Variants in BTBD9 observed in about 807,000 individuals in gnomAD.
BTBD9 encodes BTB domain containing 9, also known as BTB/POZ domain-containing protein 9.
Under a neutral mutation model 64.3 loss-of-function variants are expected in BTBD9, and 49 were observed. The observed-to-expected ratio is 0.76, with a 90% CI of 0.61 to 0.97. The LOEUF is 0.97. BTBD9 is among the 50% of genes least tolerant of loss of function. The pLI, the probability that BTBD9 is intolerant of heterozygous loss-of-function variation, is 0.00. For synonymous variants in BTBD9, 260 were observed against 274.7 expected (o/e 0.95, Z 0.53); for missense variants, 598 against 762.1 (o/e 0.78, Z 2.53).
chr6:38,313,681 T>C (rs1050347616), intron 7 of BTBD9, among the ~76,000 whole-genome samples: 2 of 152,178 alleles, frequency 1.3e-5, no homozygotes, highest in African/African-American at 4.8e-5. Context: ...TCATGTTGAT[T>C]GATTTGCATA....
At chr6:38,631,036 G>A (rs1373935171) in intron 1 of BTBD9, among the ~76,000 whole-genome samples, 1 of 152,168 alleles carries the variant, frequency 6.6e-6, no homozygotes, top group Non-Finnish European at 1.5e-5. Flanking sequence ...TTCTATTTTA[G>A]ATTAATTTAA....
intron 7 of BTBD9, among the ~76,000 whole-genome samples, chr6:38,326,569 G>A (rs918890024): frequency 6.6e-6 from 1 of 152,152 alleles, no homozygotes; most frequent in Non-Finnish European, 1.5e-5. Context: ...AGTAGCAGTA[G>A]TGACAAGAAG....
chr6:38,492,149 C>T (rs898211798), intron 6 of BTBD9, among the ~76,000 whole-genome samples: 3 of 152,152 alleles, frequency 2.0e-5, no homozygotes, highest in Admixed American at 2.0e-4. Flanking sequence ...CACAAAGAAA[C>T]AAAGGCCAGC....
At chr6:38,188,733 G>A (rs1034786129) in intron 10 of BTBD9, among the ~76,000 whole-genome samples, 4 of 152,180 alleles carry the variant, frequency 2.6e-5, no homozygotes, top group African/African-American at 9.7e-5. Context: ...TTAGAAGTGG[G>A]GTCTTTGGGA....
chr6:38,203,040 G>A (rs1459142077), intron 9 of BTBD9, among the ~76,000 whole-genome samples: 5 of 152,086 alleles, frequency 3.3e-5, no homozygotes, highest in African/African-American at 1.2e-4. Context: ...TTCAAAAGAA[G>A]ACATACAAAT....
intron 7 of BTBD9, among the ~76,000 whole-genome samples, chr6:38,339,103 C>T (rs899045414): frequency 6.6e-6 from 1 of 152,114 alleles, no homozygotes; most frequent in African/African-American, 2.4e-5. Flanking sequence ...TCATACAATC[C>T]CTTCTCTAGA....
intron 6 of BTBD9, among the ~76,000 whole-genome samples, chr6:38,445,642 T>G (rs1769243401): frequency 6.6e-6 from 1 of 152,234 alleles, no homozygotes; most frequent in African/African-American, 2.4e-5. Flanking sequence ...ATATTCTTTT[T>G]GGGTTATCTG....
At chr6:38,587,902 T>C in intron 4 of BTBD9, 1 of 722,800 alleles carries the variant, frequency 1.4e-6, no homozygotes, top group Non-Finnish European at 2.6e-6. Context: ...TAACAGATGA[T>C]CAGGTTTCAG....
intron 6 of BTBD9, chr6:38,402,861 A>G: frequency 1.4e-6 from 1 of 701,098 alleles, no homozygotes; most frequent in Non-Finnish European, 2.6e-6. Flanking sequence ...TGAGCTCAGG[A>G]GTTCGAGACC....
intron 1 of BTBD9, among the ~76,000 whole-genome samples, chr6:38,637,845 C>A (rs558345677): frequency 6.6e-6 from 1 of 152,294 alleles, no homozygotes; most frequent in East Asian, 1.9e-4. Context: ...AACACTTATT[C>A]TTGTCAAAGA....
intron 6 of BTBD9, among the ~76,000 whole-genome samples, chr6:38,575,454 T>A (rs1775981927): frequency 6.6e-6 from 1 of 152,310 alleles, no homozygotes; most frequent in East Asian, 1.9e-4. Flanking sequence ...TTAACTAACA[T>A]AATGCAAACT....
At chr6:38,465,706 ATTATATATATATATATATATAT>A (rs1770324733) in intron 6 of BTBD9, among the ~76,000 whole-genome samples, 1 of 60,402 alleles carries the variant, frequency 1.7e-5, no homozygotes, top group African/African-American at 6.8e-5. Context: ...AAATAAATAA[ATTATATATATATATATATATAT>A]ATATATATAT....
intron 6 of BTBD9, among the ~76,000 whole-genome samples, chr6:38,462,032 T>C (rs1453361286): frequency 2.0e-5 from 3 of 152,240 alleles, no homozygotes; most frequent in African/African-American, 7.2e-5. Flanking sequence ...TTTGTTGTTG[T>C]TGTTGAATTG....
At chr6:38,181,104 G>A (rs980211259) in intron 10 of BTBD9, among the ~76,000 whole-genome samples, 1 of 152,230 alleles carries the variant, frequency 6.6e-6, no homozygotes, top group Non-Finnish European at 1.5e-5. Context: ...GATTCCCTAA[G>A]CACTATTTGC....
At chr6:38,504,635 T>C (rs915149003) in intron 6 of BTBD9, 7 of 454,552 alleles carry the variant, frequency 1.5e-5, no homozygotes, top group Admixed American at 2.4e-5. Context: ...TTATATAAAA[T>C]ACACCTATCT....
intron 6 of BTBD9, among the ~76,000 whole-genome samples, chr6:38,501,412 G>A (rs1772192810): frequency 6.6e-6 from 1 of 152,202 alleles, no homozygotes; most frequent in Non-Finnish European, 1.5e-5. Flanking sequence ...AAGCATTTCA[G>A]ATAAGGGACA....
At chr6:38,441,433 TGTTTTA>T (rs1244739532) in intron 6 of BTBD9, among the ~76,000 whole-genome samples, 1 of 152,088 alleles carries the variant, frequency 6.6e-6, no homozygotes, top group East Asian at 1.9e-4. Context: ...GAGATGTTTT[TGTTTTA>T]GAGAGGGGGT....
chr6:38,578,881 G>A (rs1776169516), intron 5 of BTBD9, among the ~76,000 whole-genome samples: 1 of 152,100 alleles, frequency 6.6e-6, no homozygotes, highest in African/African-American at 2.4e-5. Context: ...CAACCACTTT[G>A]CTTCAAACAT....
In BTBD9 at chr6:38,479,471, C is replaced by T. The variant is rs545994299; in HGVS notation, c.1154+98129G>A. Among the ~76,000 whole-genome samples, 4 of 152,128 alleles carry T rather than the reference C, an allele frequency of 2.6e-5. No individual in the cohort carries two copies. In the East Asian group the frequency reaches 7.7e-4, roughly 29 times the overall value. On this transcript the variant is annotated intron_variant, in intron 6 of 10. Transcript: ENST00000481247. ...GGTGACTATGTTAATGGTACAATGG[C>T]AAAGTTATTACAATCTTTGGAAGAA...
Sources: gnomAD v4.1 joint callset for allele counts (sites outside exome capture counted in the v4.1 genomes callset) on GRCh38, gnomAD v4.1.1 for gene constraint, MANE v1.5 for transcripts, NCBI Gene and HGNC (gene_info 2026-07-23, HGNC 2026-07-21) for gene names.